The following SLC12A4 variants were observed in gnomAD, a reference collection of about 807,000 sequenced individuals.
SLC12A4 encodes solute carrier family 12 member 4.
A neutral mutation model predicts 119.2 loss-of-function variants in SLC12A4; 84 were observed. The ratio of observed to expected loss-of-function variants is 0.70; its 90% CI spans 0.59 to 0.85. The LOEUF (loss-of-function observed/expected upper bound fraction) is 0.85. Among genes scored for constraint, SLC12A4 ranks in the 40% least tolerant of loss-of-function variants. SLC12A4 has a pLI of 0.00. For missense variants in SLC12A4, 1,298 were observed against 1,476.3 expected (o/e 0.88, Z 1.98); for synonymous variants, 599 against 604.6 (o/e 0.99, Z 0.14).
rs753336573 is a variant in SLC12A4, at chr16:67,947,451, C to T, written c.1968-16G>A. The T allele has an allele frequency of 1.9e-6, 3 of 1,608,594 alleles. No homozygotes were observed. Among genetic ancestry groups the T allele is most frequent in the South Asian group, 2.2e-5 (2 of 90,736 alleles). The stretch of plus-strand genomic sequence containing the variant: ...CTTCTCAGCCCTGCAGATTCCACCA[C>T]AGCTGGTGAGCCCCTGGTGCCGCCC... On this transcript the variant is annotated splice_polypyrimidine_tract_variant and intron_variant, in intron 15 of 23. Coordinates refer to ENST00000316341, the MANE Select transcript of SLC12A4 (RefSeq NM_005072.5).
intron 1 of SLC12A4, 55 bp downstream of exon 1, chr16:67,968,384 G>C: frequency 6.8e-7 from 1 of 1,462,330 alleles, no homozygotes; most frequent in Non-Finnish European, 9.1e-7. Context: ...CGGGATGGCG[G>C]CCCCGGGTGG....
At chr16:67,965,529 A>T (rs1406415058) in intron 1 of SLC12A4, among the ~76,000 whole-genome samples, 1 of 152,152 alleles carries the variant, frequency 6.6e-6, no homozygotes, top group Non-Finnish European at 1.5e-5. Context: ...TTGGGGAGAC[A>T]CTTTTGTTGG....
chr16:67,954,934 G>T (rs2030167255), intron 5 of SLC12A4, among the ~76,000 whole-genome samples, 161 bp from the exon 6 acceptor site: 1 of 152,140 alleles, frequency 6.6e-6, no homozygotes, highest in Non-Finnish European at 1.5e-5. Context: ...TGCACGGTGG[G>T]TAAGCATCTA....
intron 5 of SLC12A4, among the ~76,000 whole-genome samples, chr16:67,956,195 C>A (rs751150473): frequency 6.6e-6 from 1 of 151,932 alleles, no homozygotes; most frequent in Admixed American, 6.6e-5. Flanking sequence ...AATAAATAAA[C>A]GAAAAGTCAA....
In SLC12A4 at chr16:67,950,864, T is replaced by A; in HGVS notation, c.1396+98A>T. 6.9e-7 allele frequency: 1 copy of A among 1,439,028 alleles called. No homozygotes were observed. Among genetic ancestry groups the A allele is most frequent in the Non-Finnish European group, 9.7e-7 (1 of 1,031,922 alleles). The allele number at this position is 1,439,028 out of a possible 1,614,324, so 89.1% of individuals were successfully genotyped here. A position where few individuals can be genotyped will look rare whatever the true frequency, so the allele number is the denominator to read the frequency against. On this transcript the variant is annotated intron_variant, in intron 10 of 23. Coordinates refer to ENST00000316341, the MANE Select transcript of SLC12A4 (RefSeq NM_005072.5). This position sits in a 1 kb window ranked among gnomAD's most constrained non-coding sequence, Gnocchi z 4.3. The stretch of plus-strand genomic sequence containing the variant: ...TGTGCATGAGAAGGGGAGCTATATA[T>A]GAGTGTGTGGGGTGTCTGTGCATGT...
chr16:67,946,977 C>T lies in SLC12A4; in HGVS notation c.2201G>A (p.Ser734Asn), dbSNP rs2058357907. Reference protein sequence around the residue: ...LTIVGSVIQGSFLESYGEAQA... With the variant: ...LTIVGSVIQGNFLESYGEAQA... ...AGCCTCGCCATAGCTCTCCAAGAAG[C>T]TCCCCTGGATGACAGAACCAACAAT... The change falls in exon 17 of 24, where the codon AGC becomes AAC. Residue 734 changes from serine to asparagine, a missense_variant. Transcript: ENST00000316341. 3 of 1,613,304 alleles carry T rather than the reference C, an allele frequency of 1.9e-6. No homozygotes were observed. The highest frequency in any genetic ancestry group is 1.7e-6 in the Non-Finnish European group (2 of 1,180,014).
chr16:67,952,666 C>G (rs1465950699), intron 6 of SLC12A4, among the ~76,000 whole-genome samples: 2 of 151,178 alleles, frequency 1.3e-5, no homozygotes, highest in Non-Finnish European at 2.9e-5. Context: ...TGGCACGTGC[C>G]TGTAATCCCA....
chr16:67,946,342 TG>T lies in SLC12A4; in HGVS notation c.2438-3del. 1 of 1,608,466 alleles carries T rather than the reference TG, an allele frequency of 6.2e-7. No individual in the cohort carries two copies. On this transcript the variant is annotated splice_region_variant and splice_polypyrimidine_tract_variant and intron_variant, in intron 18 of 23. Coordinates refer to ENST00000316341, the MANE Select transcript of SLC12A4 (RefSeq NM_005072.5). Reference sequence around the variant, plus strand: ...CAGCCGTAGTGCAGCGCACGGTGTCTGGGGAGGAGGAGCACGGCTGACCACC... The same window carrying T: ...CAGCCGTAGTGCAGCGCACGGTGTCTGGGAGGAGGAGCACGGCTGACCACC...
At position 67,943,712 on chromosome 16, in the gene SLC12A4, C is replaced by T. The variant is rs2058308176; in HGVS notation, c.*1128G>A. On this transcript the variant is annotated 3_prime_UTR_variant, in exon 24 of 24. Coordinates refer to ENST00000316341, the MANE Select transcript of SLC12A4 (RefSeq NM_005072.5). The surrounding 1 kb of genome is among the most constrained non-coding windows in gnomAD (Gnocchi z 4.6). Reference sequence around the variant, plus strand: ...GATGCCCCAGCCAAGACCTCAGGCACACCCCGTCCCCCACTCCGCCCCCCC... The same window carrying T: ...GATGCCCCAGCCAAGACCTCAGGCATACCCCGTCCCCCACTCCGCCCCCCC... 8.9e-6 allele frequency: 5 copies of T among 563,608 alleles called. No homozygotes were observed. Among genetic ancestry groups the T allele is most frequent in the South Asian group, 7.1e-5 (3 of 42,046 alleles). 34.9% of individuals were successfully genotyped at this position (563,608 alleles called of 1,614,324 possible).
At chr16:67,963,410 C>T in intron 2 of SLC12A4, 55 bp downstream of exon 2, 1 of 1,243,796 alleles carries the variant, frequency 8.0e-7, no homozygotes, top group Non-Finnish European at 1.1e-6. Flanking sequence ...AGCCTGCCTG[C>T]TTAGCTAAAG....
chr16:67,952,669 T>TA (rs2029996565), intron 6 of SLC12A4, among the ~76,000 whole-genome samples: 1 of 151,520 alleles, frequency 6.6e-6, no homozygotes, highest in Non-Finnish European at 1.5e-5. Flanking sequence ...CACGTGCCTG[T>TA]AATCCCAGCA....
intron 1 of SLC12A4, chr16:67,966,952 G>A: frequency 7.2e-7 from 1 of 1,383,538 alleles, no homozygotes; most frequent in South Asian, 1.5e-5. Flanking sequence ...CCAGCAGCTA[G>A]GCTCAGCTCT....
chr16:67,949,931 G>A lies in SLC12A4; in HGVS notation c.1630-13C>T. ...CGTGGCCAAACACCTGTGTGCACCA[G>A]GAAGGAAGCTGGGTCCTGTCACCCC... is the stretch of plus-strand genomic sequence containing the variant. On this transcript the variant is annotated splice_polypyrimidine_tract_variant and intron_variant, in intron 12 of 23. Transcript: ENST00000316341. The surrounding 1 kb of genome is among the most constrained non-coding windows in gnomAD (Gnocchi z 4.6). 2 of 1,594,542 alleles carry A rather than the reference G, an allele frequency of 1.3e-6. No individual in the cohort carries two copies. Among genetic ancestry groups the A allele is most frequent in the South Asian group, 1.1e-5 (1 of 90,596 alleles).
chr16:67,948,038 C>G (rs2058372017), intron 14 of SLC12A4, 23 bp downstream of exon 14: 1 of 1,610,622 alleles, frequency 6.2e-7, no homozygotes, highest in South Asian at 1.1e-5. Flanking sequence ...CCCAGGGTCT[C>G]CCGTGTCAGA....
Position 67,951,391 on chromosome 16 carries a change from G to A in SLC12A4, c.1133-87C>T, listed in dbSNP as rs936139292. The A allele has an allele frequency of 1.2e-5, 17 of 1,461,082 alleles. No homozygotes were observed. The highest frequency in any genetic ancestry group is 1.6e-5 in the Non-Finnish European group (17 of 1,081,126). The allele number at this position is 1,461,082 out of a possible 1,614,324, so 90.5% of individuals were successfully genotyped here. ...GCCTAGCCAGAGGCGCAGATGCAGG[G>A]CAACTTTGGGGACTCAGGGAACAGC... is the stretch of plus-strand genomic sequence containing the variant. On this transcript the variant is annotated intron_variant, in intron 8 of 23. Transcript: ENST00000316341. This position sits in a 1 kb window ranked among gnomAD's most constrained non-coding sequence, Gnocchi z 5.2.
In SLC12A4 at chr16:67,968,571, G is replaced by A. The variant is rs1287593738; in HGVS notation, c.-18C>T. On this transcript the variant is annotated 5_prime_UTR_variant, in exon 1 of 24. Transcript: ENST00000316341. ...TGAGGCATCGTGCGGGCTCGGCCCC[G>A]CCGCACCCGCCGTCCCAGCCGCCCG... 4.7e-6 allele frequency: 7 copies of A among 1,503,000 alleles called. No individual in the cohort carries two copies. The highest frequency in any genetic ancestry group is 6.2e-6 in the Non-Finnish European group (7 of 1,131,682). The allele number at this position is 1,503,000 out of a possible 1,614,324, so 93.1% of individuals were successfully genotyped here. A position where few individuals can be genotyped will look rare whatever the true frequency, so the allele number is the denominator to read the frequency against.
Position 67,943,543 on chromosome 16 carries a change from G to T in SLC12A4, c.*1297C>A. The T allele has an allele frequency of 3.9e-6, 2 of 509,692 alleles. No individual in the cohort carries two copies. The highest frequency in any genetic ancestry group is 7.2e-6 in the Non-Finnish European group (2 of 278,866). The allele number at this position is 509,692 out of a possible 1,614,324, so 31.6% of individuals were successfully genotyped here. The stretch of plus-strand genomic sequence containing the variant: ...GATAGGTCTGGGGGCATGGGGGCTG[G>T]GCCTAATAGGGGCCGGGCATGGATG... On this transcript the variant is annotated 3_prime_UTR_variant, in exon 24 of 24. Transcript: ENST00000316341. This position sits in a 1 kb window ranked among gnomAD's most constrained non-coding sequence, Gnocchi z 4.6.
Position 67,945,443 on chromosome 16 carries a change from C to G in SLC12A4, c.2958G>C (p.Arg986Ser). 3 of 1,614,120 alleles carry G rather than the reference C, an allele frequency of 1.9e-6. No individual in the cohort carries two copies. In the Middle Eastern group the frequency reaches 4.9e-4, roughly 266 times the overall value. Residue 986 changes from arginine (R) to serine (S), a missense_variant, in exon 22 of 24, where the codon AGG becomes AGC. Arg to Ser is a moderately radical substitution (Grantham distance 110). Coordinates refer to ENST00000316341, the MANE Select transcript of SLC12A4 (RefSeq NM_005072.5). Reference protein sequence around the residue: ...GADKIQMTWTRDKYMTETWDP... With the variant: ...GADKIQMTWTSDKYMTETWDP... ...CCCAGGTCTCAGTCATGTACTTGTC[C>G]CTGGTCCACGTCATCTGGATCTTGT... is the stretch of plus-strand genomic sequence containing the variant.
intron 1 of SLC12A4, among the ~76,000 whole-genome samples, chr16:67,964,248 T>C (rs2030757647): frequency 2.6e-5 from 4 of 152,178 alleles, no homozygotes; most frequent in Admixed American, 2.6e-4. Context: ...AGCAACACAA[T>C]GGCCCCCTTG....
Sources: gnomAD v4.1 joint callset for allele counts (sites outside exome capture counted in the v4.1 genomes callset) on GRCh38, gnomAD v4.1.1 for gene constraint, Gnocchi (gnomAD v3.1) non-coding constraint, MANE v1.5 for transcripts, NCBI Gene and HGNC (gene_info 2026-07-23, HGNC 2026-07-21) for gene names.